PAQR5: variants seen among roughly 807,000 people sequenced by gnomAD.
The protein encoded by PAQR5 is progestin and adipoQ receptor family member 5, also known as membrane progestin receptor gamma.
PAQR5 carries 20 observed loss-of-function variants against 34.5 expected under a neutral mutation model. That is an observed-to-expected ratio of 0.58 (90% CI 0.41 to 0.84). The LOEUF is 0.84. Among genes scored for constraint, PAQR5 ranks in the 40% least tolerant of loss-of-function variants. The pLI, the probability that PAQR5 is intolerant of heterozygous loss-of-function variation, is 0.00. For synonymous variants in PAQR5, 131 were observed against 155.6 expected (o/e 0.84, Z 1.18); for missense variants, 378 against 412.7 (o/e 0.92, Z 0.73).
intron 1 of PAQR5, among the ~76,000 whole-genome samples, chr15:69,335,618 T>C (rs1298550388): frequency 7.1e-6 from 1 of 140,248 alleles, no homozygotes; most frequent in Non-Finnish European, 1.5e-5. Flanking sequence ...GGCACGATCT[T>C]GGCTCACTGC....
chr15:69,338,062 G>A (rs185090670), intron 2 of PAQR5, among the ~76,000 whole-genome samples: 7 of 152,196 alleles, frequency 4.6e-5, no homozygotes, highest in African/African-American at 1.4e-4. Context: ...GGGTGACAGA[G>A]CAAGACTCTG....
Position 69,360,017 on chromosome 15 carries a change from T to C in PAQR5, c.-64T>C. ...GAGACGCCCCAGGCCATGTTAGAGCTTTGAGTGAGGCCTGGTAACAGGGAG... is the reference window on the plus strand; with the variant it reads ...GAGACGCCCCAGGCCATGTTAGAGCCTTGAGTGAGGCCTGGTAACAGGGAG... On this transcript the variant is annotated 5_prime_UTR_variant, in exon 3 of 9. Coordinates refer to ENST00000395407, the MANE Select transcript of PAQR5 (RefSeq NM_017705.4). 1 of 1,333,684 alleles carries C rather than the reference T, an allele frequency of 7.5e-7. No homozygotes were observed. Among genetic ancestry groups the C allele is most frequent in the Admixed American group, 1.7e-5 (1 of 59,130 alleles). The allele number at this position is 1,333,684 out of a possible 1,614,324, so 82.6% of individuals were successfully genotyped here.
intron 3 of PAQR5, among the ~76,000 whole-genome samples, chr15:69,363,569 CAG>C (rs2055304741): frequency 9.5e-6 from 1 of 104,780 alleles, no homozygotes; most frequent in Non-Finnish European, 1.8e-5. Context: ...TTTTTTGAGA[CAG>C]AGTCTTGCTC....
intron 1 of PAQR5, among the ~76,000 whole-genome samples, chr15:69,316,488 A>G (rs1238966225): frequency 6.6e-6 from 1 of 152,230 alleles, no homozygotes; most frequent in African/African-American, 2.4e-5. Flanking sequence ...CGGGGCTCTT[A>G]ATCCACCACT....
chr15:69,322,935 G>A (rs557851079), intron 1 of PAQR5, among the ~76,000 whole-genome samples: 1 of 149,764 alleles, frequency 6.7e-6, no homozygotes, highest in South Asian at 2.1e-4. Context: ...ATGGGGGTGG[G>A]AAGTTCCTGG....
At chr15:69,402,754 A>AT (rs1341208249) in intron 8 of PAQR5, among the ~76,000 whole-genome samples, 1 of 152,106 alleles carries the variant, frequency 6.6e-6, no homozygotes, top group Non-Finnish European at 1.5e-5. Flanking sequence ...CAGCACATGT[A>AT]TTTTTCAGGG....
At chr15:69,357,839 G>A (rs1472454475) in intron 2 of PAQR5, among the ~76,000 whole-genome samples, 1 of 152,170 alleles carries the variant, frequency 6.6e-6, no homozygotes, top group Non-Finnish European at 1.5e-5. Context: ...TTCAAACTAT[G>A]AGCATCATTG....
At chr15:69,353,176 C>T (rs1314156382) in intron 2 of PAQR5, among the ~76,000 whole-genome samples, 1 of 152,206 alleles carries the variant, frequency 6.6e-6, no homozygotes, top group African/African-American at 2.4e-5. Context: ...GCAGCAGAGA[C>T]CAACACTGGT....
At chr15:69,388,907 C>T (rs1265727588) in intron 5 of PAQR5, among the ~76,000 whole-genome samples, 1 of 152,256 alleles carries the variant, frequency 6.6e-6, no homozygotes, top group Non-Finnish European at 1.5e-5. Context: ...GGGTGCAGGT[C>T]CAGGCCCATC....
rs568039707 is a variant in PAQR5 at position 69,320,075 on chromosome 15, G to A, written c.-276-17266G>A. On this transcript the variant is annotated intron_variant, in intron 1 of 8. Transcript: ENST00000395407. ...CAGCCAGAGCCTTCCCCGTTGGGGT[G>A]AGGGGAACCCAACAGTCAGGGCCTG... is the stretch of plus-strand genomic sequence containing the variant. Among the ~76,000 whole-genome samples the A allele has an allele frequency of 9.8e-5, 15 of 152,370 alleles. No individual in the cohort carries two copies. The South Asian group carries it at 2.9e-3, about 29-fold the overall frequency.
At chr15:69,335,496 C>T (rs1397738778) in intron 1 of PAQR5, among the ~76,000 whole-genome samples, 18 of 149,534 alleles carry the variant, frequency 1.2e-4, no homozygotes, top group African/African-American at 4.2e-4. Context: ...CTGCCCGCCT[C>T]GGCCTCCCAA....
intron 5 of PAQR5, among the ~76,000 whole-genome samples, chr15:69,387,317 C>T (rs925842044): frequency 2.0e-5 from 3 of 152,170 alleles, no homozygotes; most frequent in African/African-American, 7.2e-5. Context: ...TGACACACAC[C>T]CCTGAGGGGC....
At chr15:69,384,204 G>A (rs943304693) in intron 4 of PAQR5, among the ~76,000 whole-genome samples, 4 of 134,468 alleles carry the variant, frequency 3.0e-5, no homozygotes, top group African/African-American at 8.5e-5. Flanking sequence ...TGGAGGGTGA[G>A]CGGGGGCCCT....
At chr15:69,339,882 G>T (rs1847272) in intron 2 of PAQR5, among the ~76,000 whole-genome samples, 123,846 of 151,894 alleles carry the variant, frequency 0.82, 52,890 homozygotes, top group Non-Finnish European at 0.96. Context: ...CCTTTTTTTT[G>T]GGGGACGGAG....
chr15:69,368,006 G>C (rs1375893770), intron 3 of PAQR5, among the ~76,000 whole-genome samples: 2 of 152,000 alleles, frequency 1.3e-5, no homozygotes, highest in African/African-American at 4.8e-5. Flanking sequence ...GTTCGGAAGA[G>C]TCCTTCCGAA....
chr15:69,382,077 C>A (rs774281117), intron 4 of PAQR5, among the ~76,000 whole-genome samples: 1 of 152,076 alleles, frequency 6.6e-6, no homozygotes, highest in Non-Finnish European at 1.5e-5. Flanking sequence ...CTAGCTATTC[C>A]GAAAAGTGAT....
intron 2 of PAQR5, among the ~76,000 whole-genome samples, chr15:69,350,750 C>A (rs1227364860): frequency 6.6e-6 from 1 of 152,124 alleles, no homozygotes; most frequent in Non-Finnish European, 1.5e-5. Flanking sequence ...AATTCCCAGA[C>A]ATGAGCCAGT....
intron 5 of PAQR5, among the ~76,000 whole-genome samples, chr15:69,387,953 G>A (rs940286257): frequency 1.3e-5 from 2 of 151,716 alleles, no homozygotes; most frequent in Non-Finnish European, 2.9e-5. Context: ...CAGCCATGCT[G>A]GCACACCTCC....
intron 2 of PAQR5, among the ~76,000 whole-genome samples, chr15:69,359,762 C>T (rs1185662812): frequency 6.6e-6 from 1 of 152,012 alleles, no homozygotes; most frequent in African/African-American, 2.4e-5. Context: ...GGGGTGGTCT[C>T]CTCCCTTATT....
Sources: gnomAD v4.1 joint callset for allele counts (sites outside exome capture counted in the v4.1 genomes callset) on GRCh38, gnomAD v4.1.1 for gene constraint, MANE v1.5 for transcripts, NCBI Gene and HGNC (gene_info 2026-07-23, HGNC 2026-07-21) for gene names.